The following COQ3 variants were observed in gnomAD, a reference collection of about 807,000 sequenced individuals.
COQ3 encodes coenzyme Q3, methyltransferase, also known as ubiquinone biosynthesis O-methyltransferase, mitochondrial.
Under a neutral mutation model 33.1 loss-of-function variants are expected in COQ3, and 29 were observed. The ratio of observed to expected loss-of-function variants is 0.88; its 90% CI spans 0.65 to 1.19. The LOEUF is 1.19. Ranked by LOEUF, COQ3 falls within the 50% of genes most tolerant of loss-of-function variation. The pLI is 0.00. For missense variants in COQ3, 437 were observed against 430.7 expected (o/e 1.01, Z -0.13); for synonymous variants, 173 against 157.8 (o/e 1.10, Z -0.72).
intron 1 of COQ3, among the ~76,000 whole-genome samples, chr6:99,384,348 T>C (rs976229309): frequency 6.6e-6 from 1 of 152,220 alleles, no homozygotes; most frequent in Non-Finnish European, 1.5e-5. Flanking sequence ...ATTTCTAAAA[T>C]TGTAATTAGC....
intron 1 of COQ3, among the ~76,000 whole-genome samples, chr6:99,390,169 C>T (rs544153295): frequency 9.9e-5 from 15 of 152,206 alleles, no homozygotes; most frequent in African/African-American, 3.6e-4. Flanking sequence ...ATATGTGTTT[C>T]AGAGTCCCTG....
chr6:99,376,371 C>T lies in COQ3; in HGVS notation c.487-189G>A, dbSNP rs969357439. Among the ~76,000 whole-genome samples, 8 of 151,990 alleles carry T rather than the reference C, an allele frequency of 5.3e-5. No homozygotes were observed. The South Asian group carries it at 6.2e-4, about 12-fold the overall frequency. On this transcript the variant is annotated intron_variant, in intron 4 of 6. Coordinates refer to ENST00000254759, the MANE Select transcript of COQ3 (RefSeq NM_017421.4). Reference sequence around the variant, plus strand: ...CATTTGAAATTTTCCATAATCAAACCCTTAAAGTTAAGAAGAACAATGAAA... The same window carrying T: ...CATTTGAAATTTTCCATAATCAAACTCTTAAAGTTAAGAAGAACAATGAAA...
At chr6:99,380,049 G>T in intron 3 of COQ3, 140 bp downstream of exon 3, 2 of 724,148 alleles carry the variant, frequency 2.8e-6, no homozygotes, top group Non-Finnish European at 4.4e-6. Flanking sequence ...AGTGGTAATT[G>T]AAAAGAATCT....
At chr6:99,378,881 C>T (rs1304860942) in intron 3 of COQ3, among the ~76,000 whole-genome samples, 2 of 151,724 alleles carry the variant, frequency 1.3e-5, no homozygotes, top group African/African-American at 2.4e-5. Context: ...GTGTCTGTTA[C>T]AGTGCTTTGC....
intron 5 of COQ3, among the ~76,000 whole-genome samples, chr6:99,371,860 C>A (rs1266607710): frequency 6.6e-6 from 1 of 151,994 alleles, no homozygotes; most frequent in Non-Finnish European, 1.5e-5. Context: ...TTTATATATT[C>A]TTTTGTACAT....
chr6:99,379,275 C>CA (rs1284008595), intron 3 of COQ3, among the ~76,000 whole-genome samples: 1 of 152,026 alleles, frequency 6.6e-6, no homozygotes, highest in Non-Finnish European at 1.5e-5. Flanking sequence ...AAGGGATAAA[C>CA]AATTTGGATG....
chr6:99,370,225 G>A (rs78472537), intron 6 of COQ3, among the ~76,000 whole-genome samples: 5,351 of 152,020 alleles, frequency 0.035, 122 homozygotes, highest in African/African-American at 0.044. Context: ...AGTTTGGTAA[G>A]TACTCAATAA....
rs200741567 is a variant in COQ3, at chr6:99,372,830, GA to G, written c.730-1244del. On this transcript the variant is annotated intron_variant, in intron 5 of 6. Transcript: ENST00000254759. ...AAACATTCTCATTAGCCTGATGAGGGAAAAATGCCAAAGATTCCCTCCAAAA... is the reference window on the plus strand; with the variant it reads ...AAACATTCTCATTAGCCTGATGAGGGAAAATGCCAAAGATTCCCTCCAAAA... 9.7e-3 allele frequency among the ~76,000 whole-genome samples: 1,482 copies of G among 152,148 alleles called. 21 individuals are homozygous for G. The highest frequency in any genetic ancestry group is 0.033 in the African/African-American group (1,363 of 41,504).
chr6:99,371,705 A>G, intron 5 of COQ3, 118 bp from the exon 6 acceptor site: 1 of 676,200 alleles, frequency 1.5e-6, no homozygotes, highest in Non-Finnish European at 2.5e-6. Flanking sequence ...CCATTAAAAT[A>G]TATATGTACG....
chr6:99,388,139 G>A (rs1285208423), intron 1 of COQ3, among the ~76,000 whole-genome samples: 29 of 151,678 alleles, frequency 1.9e-4, no homozygotes, highest in Non-Finnish European at 1.5e-5. Context: ...ACTCCAGCCT[G>A]GGCAACAAAA....
intron 5 of COQ3, 83 bp downstream of exon 5, chr6:99,375,857 G>T: frequency 1.4e-6 from 2 of 1,447,850 alleles, no homozygotes; most frequent in Non-Finnish European, 1.9e-6. Context: ...GACTGCTAAT[G>T]CATTATGGAC....
At chr6:99,377,549 A>G in intron 3 of COQ3, 64 bp from the exon 4 acceptor site, 1 of 1,157,542 alleles carries the variant, frequency 8.6e-7, no homozygotes, top group Non-Finnish European at 1.2e-6. Context: ...AAAGTCACAA[A>G]GTGTGTAGTT....
At position 99,383,738 on chromosome 6, in the gene COQ3, T is replaced by C; in HGVS notation, c.193A>G (p.Arg65Gly). Residue 65 changes from arginine to glycine, a missense_variant, in exon 2 of 7, where the codon AGG becomes GGG. Physicochemically the swap from Arg to Gly is moderately radical, Grantham distance 125 (BLOSUM62 -2). Transcript: ENST00000254759. The stretch of plus-strand genomic sequence containing the variant: ...CTGTTCAAACAGGAAAAGATCGTCC[T>C]GTAGGATTTGAACCATATGGTTCTG... ...EYRTIWFKSY[R>G]TIFSCLNRIK... is the part of the protein sequence containing the mutation. The C allele has an allele frequency of 6.2e-7, 1 of 1,606,250 alleles. No homozygotes were observed. Among genetic ancestry groups the C allele is most frequent in the Non-Finnish European group, 8.5e-7 (1 of 1,177,206 alleles).
chr6:99,391,098 T>G lies in COQ3; in HGVS notation c.106+2976A>C, dbSNP rs199935982. Among the ~76,000 whole-genome samples, 1,086 of 133,750 alleles carry G rather than the reference T, an allele frequency of 8.1e-3. 8 individuals carry two copies. Among genetic ancestry groups the G allele is most frequent in the Middle Eastern group, 0.019 (5 of 260 alleles). 87.7% of individuals were successfully genotyped at this position (133,750 alleles called of 152,430 possible). A position where few individuals can be genotyped will look rare whatever the true frequency, so the allele number is the denominator to read the frequency against. On this transcript the variant is annotated intron_variant, in intron 1 of 6. Coordinates refer to ENST00000254759, the MANE Select transcript of COQ3 (RefSeq NM_017421.4). ...CATTTTATTTATTTATTTATTTATTTATTTATTTATTTATTTATGAGACAG... is the reference window on the plus strand; with the variant it reads ...CATTTTATTTATTTATTTATTTATTGATTTATTTATTTATTTATGAGACAG...
chr6:99,387,648 A>T (rs2128473420), intron 1 of COQ3, among the ~76,000 whole-genome samples: 1 of 152,348 alleles, frequency 6.6e-6, no homozygotes, highest in Non-Finnish European at 1.5e-5. Context: ...ATGATGAAAG[A>T]CTAAGCCCTT....
chr6:99,390,218 A>T (rs1045765594), intron 1 of COQ3, among the ~76,000 whole-genome samples: 1 of 152,168 alleles, frequency 6.6e-6, no homozygotes, highest in South Asian at 2.1e-4. Flanking sequence ...GGGTACGTGC[A>T]TTTGTAAATC....
chr6:99,384,194 A>G (rs182757714), intron 1 of COQ3, among the ~76,000 whole-genome samples: 1 of 152,244 alleles, frequency 6.6e-6, no homozygotes, highest in African/African-American at 2.4e-5. Context: ...GGCCTGGACA[A>G]AATTTTATTT....
At chr6:99,380,990 T>C (rs968906104) in intron 2 of COQ3, among the ~76,000 whole-genome samples, 4 of 152,194 alleles carry the variant, frequency 2.6e-5, no homozygotes, top group Admixed American at 2.0e-4. Context: ...GCTCCACATA[T>C]ATTACCTCAC....
chr6:99,369,677 C>G lies in COQ3; in HGVS notation c.1033G>C (p.Val345Leu), dbSNP rs1203392176. 2 of 1,614,044 alleles carry G rather than the reference C, an allele frequency of 1.2e-6. No individual in the cohort carries two copies. The highest frequency in any genetic ancestry group is 1.7e-6 in the Non-Finnish European group (2 of 1,179,986). ...AGCTCTTCTGTTTCTCCCTTTAAAA[C>G]AAACTCAGCAGAGGCTGGGTGTTCC... is the stretch of plus-strand genomic sequence containing the variant. ...VQEHPASAEF[V>L]LKGETEELQA... The change falls in exon 7 of 7, where the codon GTT (valine) becomes CTT (leucine). Residue 345 changes from valine (V) to leucine (L), a missense_variant. Physicochemically the swap from Val to Leu is conservative, Grantham distance 32. Coordinates refer to ENST00000254759, the MANE Select transcript of COQ3 (RefSeq NM_017421.4).
Sources: gnomAD v4.1 joint callset for allele counts (sites outside exome capture counted in the v4.1 genomes callset) on GRCh38, gnomAD v4.1.1 for gene constraint, MANE v1.5 for transcripts, NCBI Gene and HGNC (gene_info 2026-07-23, HGNC 2026-07-21) for gene names.